The following STRN3 variants were observed in gnomAD, a reference collection of about 807,000 sequenced individuals.
STRN3 encodes striatin-3.
Under a neutral mutation model 95.6 loss-of-function variants are expected in STRN3, and 29 were observed. That is an observed-to-expected ratio of 0.30 (90% CI 0.23 to 0.41). The LOEUF (loss-of-function observed/expected upper bound fraction) is 0.41. Among genes scored for constraint, STRN3 ranks in the 10% least tolerant of loss-of-function variants. The pLI is 1.00. For synonymous variants in STRN3, 331 were observed against 357.6 expected (o/e 0.93, Z 0.84); for missense variants, 890 against 972.1 (o/e 0.92, Z 1.12).
intron 16 of STRN3, among the ~76,000 whole-genome samples, chr14:30,896,566 A>AAGGGAAGGGG (rs1896156725): frequency 1.4e-5 from 2 of 143,304 alleles, no homozygotes; most frequent in African/African-American, 5.1e-5. Context: ...AAAGAAAAGA[A>AAGGGAAGGGG]AGGGAAGGGG....
At chr14:30,968,555 C>T (rs907046055) in intron 1 of STRN3, among the ~76,000 whole-genome samples, 1 of 151,858 alleles carries the variant, frequency 6.6e-6, no homozygotes, top group South Asian at 2.1e-4. Context: ...TGGCGGGTGC[C>T]TGTAGCCCCA....
intron 1 of STRN3, among the ~76,000 whole-genome samples, chr14:30,966,874 G>C (rs774393248): frequency 2.0e-5 from 3 of 152,082 alleles, no homozygotes; most frequent in Non-Finnish European, 4.4e-5. Context: ...TCTCCCTTAG[G>C]GGAGCAGCCA....
At chr14:30,941,273 A>G (rs1022836543) in intron 5 of STRN3, among the ~76,000 whole-genome samples, 1 of 152,210 alleles carries the variant, frequency 6.6e-6, no homozygotes, top group Non-Finnish European at 1.5e-5. Context: ...TAACTTCTGC[A>G]TGATAGGACA....
At chr14:30,987,368 G>A (rs1255667980) in intron 1 of STRN3, among the ~76,000 whole-genome samples, 2 of 152,010 alleles carry the variant, frequency 1.3e-5, no homozygotes, top group Non-Finnish European at 2.9e-5. Context: ...TTAGCTGGGC[G>A]TGGTGGCAGG....
chr14:30,945,195 T>G (rs1250310341), intron 5 of STRN3, among the ~76,000 whole-genome samples: 3 of 152,156 alleles, frequency 2.0e-5, no homozygotes, highest in Non-Finnish European at 4.4e-5. Context: ...GAAATCAGAA[T>G]CCTTTTAGTA....
intron 10 of STRN3, among the ~76,000 whole-genome samples, chr14:30,912,548 C>T (rs1203296936): frequency 6.6e-6 from 1 of 152,058 alleles, no homozygotes; most frequent in African/African-American, 2.4e-5. Context: ...TCCAACGGTA[C>T]AGTATTAACA....
intron 5 of STRN3, among the ~76,000 whole-genome samples, chr14:30,943,907 G>C (rs1157328231): frequency 2.6e-5 from 4 of 152,006 alleles, no homozygotes; most frequent in African/African-American, 9.7e-5. Flanking sequence ...CTGTTCGAAA[G>C]TTATTGTTTC....
At chr14:31,019,934 G>A (rs1167421331) in intron 1 of STRN3, among the ~76,000 whole-genome samples, 1 of 149,840 alleles carries the variant, frequency 6.7e-6, no homozygotes. Flanking sequence ...TGTTGCCCAG[G>A]CTGGTCTCCA....
chr14:30,929,954 C>CAAAAAAAAAAAA lies in STRN3; in HGVS notation c.989-655_989-644dup, dbSNP rs1191963792. Among the ~76,000 whole-genome samples, 193 of 39,946 alleles carry CAAAAAAAAAAAA rather than the reference C, an allele frequency of 4.8e-3. 28 individuals carry two copies. The highest frequency in any genetic ancestry group is 0.04 in the Middle Eastern group (2 of 50). 26.2% of individuals were successfully genotyped at this position (39,946 alleles called of 152,430 possible). ...TCCATTGGTCTACAACTAAGATTAG[C>CAAAAAAAAAAAA]AAAAAAAAAAAAAAAAAAAAAAAAA... On this transcript the variant is annotated intron_variant, in intron 7 of 17. Coordinates refer to ENST00000357479, the MANE Select transcript of STRN3 (RefSeq NM_001083893.2).
intron 16 of STRN3, among the ~76,000 whole-genome samples, chr14:30,896,354 A>G (rs1896149265): frequency 6.6e-6 from 1 of 152,160 alleles, no homozygotes; most frequent in African/African-American, 2.4e-5. Flanking sequence ...AAATAAGCCA[A>G]GTGTGGTGAG....
intron 7 of STRN3, 49 bp downstream of exon 7, chr14:30,935,114 T>A: frequency 6.3e-7 from 1 of 1,599,794 alleles, no homozygotes; most frequent in Non-Finnish European, 8.5e-7. Context: ...TAATAACCCA[T>A]CATTAAGGGC....
chr14:31,011,209 T>TC (rs1882953923), intron 1 of STRN3, among the ~76,000 whole-genome samples: 1 of 152,230 alleles, frequency 6.6e-6, no homozygotes, highest in African/African-American at 2.4e-5. Context: ...GTGGACTTTT[T>TC]CTGCATCCGG....
intron 16 of STRN3, among the ~76,000 whole-genome samples, chr14:30,899,001 A>G (rs1896233223): frequency 6.6e-6 from 1 of 152,250 alleles, no homozygotes; most frequent in African/African-American, 2.4e-5. Flanking sequence ...TAATAGTACT[A>G]TATCTACCTT....
chr14:30,931,270 T>C (rs1212807428), intron 7 of STRN3, among the ~76,000 whole-genome samples: 1 of 152,098 alleles, frequency 6.6e-6, no homozygotes, highest in African/African-American at 2.4e-5. Context: ...TTATAAGAAA[T>C]AGGTAAGAGC....
intron 8 of STRN3, among the ~76,000 whole-genome samples, chr14:30,919,828 T>C (rs1179064593): frequency 6.6e-6 from 1 of 152,142 alleles, no homozygotes; most frequent in Non-Finnish European, 1.5e-5. Flanking sequence ...CAGGCCAAAA[T>C]ATATAAAACT....
intron 1 of STRN3, among the ~76,000 whole-genome samples, chr14:30,980,994 T>C (rs1881367468): frequency 6.6e-6 from 1 of 152,022 alleles, no homozygotes; most frequent in East Asian, 1.9e-4. Context: ...AATAAATCCA[T>C]AACACCACTA....
At chr14:30,935,984 C>T (rs993993956) in intron 6 of STRN3, among the ~76,000 whole-genome samples, 2 of 152,246 alleles carry the variant, frequency 1.3e-5, no homozygotes, top group African/African-American at 4.8e-5. Flanking sequence ...ATCAACTCTA[C>T]TTTGGCTTCT....
chr14:30,902,717 G>A (rs1054851620), intron 15 of STRN3, 74 bp from the exon 16 acceptor site: 35 of 946,838 alleles, frequency 3.7e-5, no homozygotes, highest in South Asian at 6.1e-5. Flanking sequence ...CTTTTTAATC[G>A]TGCTAAAATA....
chr14:30,908,406 G>A (rs1896523229), intron 13 of STRN3, among the ~76,000 whole-genome samples: 1 of 152,090 alleles, frequency 6.6e-6, no homozygotes, highest in African/African-American at 2.4e-5. Flanking sequence ...ACTTTTCTTT[G>A]ATGATACAAA....
Sources: allele counts gnomAD v4.1 joint callset (sites outside exome capture counted in the v4.1 genomes callset), GRCh38; gene constraint gnomAD v4.1.1; transcripts MANE v1.5; gene names NCBI Gene and HGNC (gene_info 2026-07-23, HGNC 2026-07-21).